The following L3MBTL4 variants were observed in gnomAD, a reference collection of about 807,000 sequenced individuals.
L3MBTL4 encodes L3MBTL histone methyl-lysine binding protein 4, also known as lethal(3)malignant brain tumor-like protein 4.
L3MBTL4 carries 70 observed loss-of-function variants against 84.5 expected under a neutral mutation model. That is an observed-to-expected ratio of 0.83 (90% CI 0.68 to 1.01). L3MBTL4 has a LOEUF of 1.01. Ranked by LOEUF, L3MBTL4 falls within the 50% of genes least tolerant of loss-of-function variation. The probability of loss-of-function intolerance (pLI) is 0.00; values close to 1 mark genes in which losing one functional copy is unlikely to be tolerated. For missense variants in L3MBTL4, 715 were observed against 754.8 expected (o/e 0.95, Z 0.62); for synonymous variants, 274 against 259.8 (o/e 1.05, Z -0.52).
chr18:6,341,496 T>C (rs2052607642), intron 1 of L3MBTL4, among the ~76,000 whole-genome samples: 1 of 151,368 alleles, frequency 6.6e-6, no homozygotes, highest in Non-Finnish European at 1.5e-5. Context: ...AACTCAAAAA[T>C]TCAACTGAGA....
intron 14 of L3MBTL4, among the ~76,000 whole-genome samples, chr18:6,120,262 CG>C (rs1434147462): frequency 6.6e-6 from 1 of 152,164 alleles, no homozygotes; most frequent in Non-Finnish European, 1.5e-5. Flanking sequence ...CCCAGGGGCC[CG>C]GGGCCTGCTT....
Position 6,080,879 on chromosome 18 carries a change from A to C in L3MBTL4, c.1444+2T>G, listed in dbSNP as rs758558273. On this transcript the variant is annotated splice_donor_variant, in intron 16 of 18. Transcript: ENST00000317931. LOFTEE classifies it high-confidence loss of function. ...GTGTTTTGCTAGTGTTTTTGTTTTT[A>C]CCTCTGAAGAGATTATCCAAGTCAA... is the stretch of plus-strand genomic sequence containing the variant. 3 of 1,595,182 alleles carry C rather than the reference A, an allele frequency of 1.9e-6. No individual in the cohort carries two copies. The highest frequency in any genetic ancestry group is 2.6e-6 in the Non-Finnish European group (3 of 1,168,060).
chr18:6,319,896 A>G (rs1384712218), intron 1 of L3MBTL4, among the ~76,000 whole-genome samples: 1 of 152,168 alleles, frequency 6.6e-6, no homozygotes, highest in East Asian at 1.9e-4. Flanking sequence ...AATCCTCAAC[A>G]AAATGCTAGC....
intron 15 of L3MBTL4, among the ~76,000 whole-genome samples, chr18:6,081,930 A>T (rs928483978): frequency 2.6e-5 from 4 of 152,140 alleles, no homozygotes; most frequent in Non-Finnish European, 4.4e-5. Context: ...TTTCTATTGA[A>T]CTCCAACTTT....
intron 17 of L3MBTL4, among the ~76,000 whole-genome samples, chr18:5,961,194 G>A (rs890300774): frequency 2.6e-5 from 4 of 152,184 alleles, no homozygotes; most frequent in Non-Finnish European, 5.9e-5. Flanking sequence ...AAAGGTTCTT[G>A]AGGCTGGAGA....
At chr18:5,978,012 A>G (rs1336013388) in intron 16 of L3MBTL4, among the ~76,000 whole-genome samples, 1 of 152,238 alleles carries the variant, frequency 6.6e-6, no homozygotes, top group Non-Finnish European at 1.5e-5. Context: ...TGCATGGCAG[A>G]GCGTGAACCT....
chr18:6,220,513 T>C (rs1408291287), intron 10 of L3MBTL4, among the ~76,000 whole-genome samples: 2 of 152,154 alleles, frequency 1.3e-5, no homozygotes, highest in African/African-American at 4.8e-5. Flanking sequence ...CTCTATATAA[T>C]AGGGAGCCCC....
chr18:6,347,189 T>A (rs781225609), intron 1 of L3MBTL4, among the ~76,000 whole-genome samples: 45 of 151,388 alleles, frequency 3.0e-4, no homozygotes, highest in African/African-American at 1.1e-3. Context: ...AATTGGGAGG[T>A]GATGGATAAA....
intron 4 of L3MBTL4, among the ~76,000 whole-genome samples, chr18:6,272,810 C>A (rs1296279081): frequency 1.9e-5 from 2 of 102,594 alleles, no homozygotes; most frequent in Non-Finnish European, 3.7e-5. Flanking sequence ...TTCTGACAGC[C>A]CCACTGCATT....
intron 4 of L3MBTL4, among the ~76,000 whole-genome samples, chr18:6,281,576 G>C (rs897686134): frequency 6.6e-6 from 1 of 152,164 alleles, no homozygotes; most frequent in African/African-American, 2.4e-5. Context: ...AGCCATAAAT[G>C]TGCCACTGAT....
chr18:6,157,340 A>G (rs1261667427), intron 13 of L3MBTL4, among the ~76,000 whole-genome samples: 1 of 152,216 alleles, frequency 6.6e-6, no homozygotes, highest in Non-Finnish European at 1.5e-5. Flanking sequence ...TCGGAATGAC[A>G]TCCATCCATC....
chr18:6,064,581 A>T (rs970429097), intron 16 of L3MBTL4, among the ~76,000 whole-genome samples: 8 of 133,846 alleles, frequency 6.0e-5, no homozygotes, highest in Non-Finnish European at 1.3e-4. Flanking sequence ...CACCTCCTTG[A>T]TTAAGTATAT....
At chr18:6,228,545 A>G (rs2046869317) in intron 10 of L3MBTL4, among the ~76,000 whole-genome samples, 1 of 152,204 alleles carries the variant, frequency 6.6e-6, no homozygotes, top group Admixed American at 6.5e-5. Context: ...AAAACTCAAT[A>G]ATAAGAAAAA....
At chr18:6,065,163 A>C (rs1231774738) in intron 16 of L3MBTL4, among the ~76,000 whole-genome samples, 3 of 151,986 alleles carry the variant, frequency 2.0e-5, no homozygotes, top group Non-Finnish European at 1.5e-5. Context: ...ATTGACTTGC[A>C]TATGTTAAAC....
At chr18:6,107,906 ACTTGTTTACTTTGTAC>A (rs558733427) in intron 14 of L3MBTL4, among the ~76,000 whole-genome samples, 102 of 152,242 alleles carry the variant, frequency 6.7e-4, no homozygotes, top group Non-Finnish European at 1.2e-3. Context: ...ACCGAACACC[ACTTGTTTACTTTGTAC>A]CTTGTTTACT....
At chr18:6,080,850 TTC>T (rs766890993) in intron 16 of L3MBTL4, 29 bp downstream of exon 16, 1 of 1,449,424 alleles carries the variant, frequency 6.9e-7, no homozygotes, top group Non-Finnish European at 9.6e-7. Context: ...AAAAAGTATA[TTC>T]TGTGTTTTGC....
chr18:6,164,430 C>A (rs543601524), intron 13 of L3MBTL4, among the ~76,000 whole-genome samples: 1 of 152,234 alleles, frequency 6.6e-6, no homozygotes, highest in Non-Finnish European at 1.5e-5. Context: ...AGGCACCCCC[C>A]GCTAGGGGCA....
chr18:6,403,364 C>G (rs914859874), intron 1 of L3MBTL4, among the ~76,000 whole-genome samples: 1 of 152,112 alleles, frequency 6.6e-6, no homozygotes, highest in African/African-American at 2.4e-5. Context: ...TCATGGAACC[C>G]AATGCTGTTC....
At chr18:6,271,599 T>C (rs1206946407) in intron 4 of L3MBTL4, among the ~76,000 whole-genome samples, 4 of 152,130 alleles carry the variant, frequency 2.6e-5, no homozygotes. Flanking sequence ...CTACGATAAG[T>C]GTACGTAATA....
Sources: allele counts gnomAD v4.1 joint callset (sites outside exome capture counted in the v4.1 genomes callset), GRCh38; gene constraint gnomAD v4.1.1; transcripts MANE v1.5; gene names NCBI Gene and HGNC (gene_info 2026-07-23, HGNC 2026-07-21).